The following NLRP3 variants were observed in gnomAD, a reference collection of about 807,000 sequenced individuals.
The protein encoded by NLRP3 is NLR family pyrin domain containing 3, also known as NACHT, LRR and PYD domains-containing protein 3.
NLRP3 carries 48 observed loss-of-function variants against 91.3 expected under a neutral mutation model. That is an observed-to-expected ratio of 0.53 (90% CI 0.42 to 0.67). The LOEUF (loss-of-function observed/expected upper bound fraction) is 0.67, where lower values mean the gene tolerates loss of function less well. Ranked by LOEUF, NLRP3 falls within the 30% of genes least tolerant of loss-of-function variation. The pLI, the probability that NLRP3 is intolerant of heterozygous loss-of-function variation, is 0.00. For missense variants in NLRP3, 982 were observed against 1,276.9 expected (o/e 0.77, Z 3.52); for synonymous variants, 561 against 507.9 (o/e 1.10, Z -1.41).
intron 7 of NLRP3, among the ~76,000 whole-genome samples, chr1:247,442,266 C>T (rs1664290274): frequency 6.6e-6 from 1 of 152,212 alleles, no homozygotes. Flanking sequence ...TGTCTGAATA[C>T]ACTTTTTCTG....
rs200929917 is a variant in NLRP3, at chr1:247,429,645, C to T, written c.2211C>T (p.Thr737=). ...GGGGCCTCTTTTCAGTTCTGAGCAC[C>T]AGCCAGAGTCTAACTGAATTGGACC... The part of the protein sequence containing the change: ...FCRGLFSVLS[T]SQSLTELDLS... Residue 737 remains threonine, a synonymous_variant, in exon 5 of 10, where the codon ACC becomes ACT. Coordinates refer to ENST00000336119, the MANE Select transcript of NLRP3 (RefSeq NM_001243133.2). 6.2e-6 allele frequency: 10 copies of T among 1,614,034 alleles called. No homozygotes were observed. The highest frequency in any genetic ancestry group is 1.3e-5 in the African/African-American group (1 of 74,900).
chr1:247,419,167 T>A (rs935072371), intron 2 of NLRP3, 90 bp downstream of exon 2: 26 of 952,216 alleles, frequency 2.7e-5, no homozygotes, highest in Middle Eastern at 7.8e-4. Flanking sequence ...TATATATATT[T>A]TTTTTTGAGA....
Position 247,425,767 on chromosome 1 carries a change from T to C in NLRP3, c.2150+168T>C, listed in dbSNP as rs901921131. The C allele has an allele frequency of 1.5e-6, 1 of 662,802 alleles. No individual in the cohort carries two copies. 41.1% of individuals were successfully genotyped at this position (662,802 alleles called of 1,614,324 possible). On this transcript the variant is annotated intron_variant, in intron 4 of 9. Transcript: ENST00000336119. This position sits in a 1 kb window ranked among gnomAD's most constrained non-coding sequence, Gnocchi z 4.1. ...ACTCCTTCATGAGCAAAGATTGATG[T>C]ATGGTAGGTGGATAAATGGGATGAG...
chr1:247,426,798 C>T (rs186027100), intron 4 of NLRP3, among the ~76,000 whole-genome samples: 1 of 152,260 alleles, frequency 6.6e-6, no homozygotes, highest in African/African-American at 2.4e-5. Context: ...ACCTGTTCAC[C>T]AGCGGGGCAC....
chr1:247,426,124 G>T (rs554372108), intron 4 of NLRP3, among the ~76,000 whole-genome samples: 5 of 152,322 alleles, frequency 3.3e-5, no homozygotes, highest in African/African-American at 9.6e-5. Flanking sequence ...ACTGGTATGA[G>T]CCAAATCATG....
chr1:247,445,288 C>T (rs1253293114), intron 9 of NLRP3, among the ~76,000 whole-genome samples: 1 of 152,124 alleles, frequency 6.6e-6, no homozygotes, highest in Non-Finnish European at 1.5e-5. Context: ...GCAAGCTCCG[C>T]CTCCCGGGTT....
At chr1:247,427,001 G>A (rs1298382163) in intron 4 of NLRP3, among the ~76,000 whole-genome samples, 1 of 152,198 alleles carries the variant, frequency 6.6e-6, no homozygotes, top group African/African-American at 2.4e-5. Flanking sequence ...TCATCAGGTT[G>A]CCATAACAAA....
intron 8 of NLRP3, 106 bp downstream of exon 8, chr1:247,444,248 GTCT>G: frequency 8.5e-7 from 1 of 1,173,136 alleles, no homozygotes. Flanking sequence ...GAAGTGAGGT[GTCT>G]TCTTAGTGTT....
chr1:247,446,761 T>C (rs1558211975), intron 9 of NLRP3, among the ~76,000 whole-genome samples: 2 of 152,244 alleles, frequency 1.3e-5, no homozygotes, highest in African/African-American at 2.4e-5. Context: ...TTATTATCTA[T>C]CTCTGCTCCC....
intron 9 of NLRP3, among the ~76,000 whole-genome samples, chr1:247,445,083 A>T (rs1322770279): frequency 2.6e-5 from 4 of 152,184 alleles, no homozygotes; most frequent in Admixed American, 6.5e-5. Context: ...TCATGCGATC[A>T]TGGCCAAGGA....
chr1:247,438,253 C>T (rs1332894096), intron 7 of NLRP3, among the ~76,000 whole-genome samples: 1 of 152,152 alleles, frequency 6.6e-6, no homozygotes, highest in Non-Finnish European at 1.5e-5. Context: ...CTTTGGAAGC[C>T]TTCTTCGCTC....
At chr1:247,445,792 T>G (rs1458382209) in intron 9 of NLRP3, among the ~76,000 whole-genome samples, 1 of 152,182 alleles carries the variant, frequency 6.6e-6, no homozygotes, top group African/African-American at 2.4e-5. Flanking sequence ...TGGCCTCTTC[T>G]TCATCATCCT....
In NLRP3 at chr1:247,425,177, T is replaced by C. The variant is rs1406006054; in HGVS notation, c.1728T>C (p.Arg576=). 1 of 1,614,052 alleles carries C rather than the reference T, an allele frequency of 6.2e-7. No homozygotes were observed. The highest frequency in any genetic ancestry group is 1.3e-5 in the African/African-American group (1 of 74,922). ...FEKGYLIFVV[R]FLFGLVNQER... ...AGGGGTATTTGATTTTTGTTGTACG[T>C]TTCCTCTTTGGCCTGGTAAACCAGG... Residue 576 remains arginine (R), a synonymous_variant, in exon 4 of 10, where the codon CGT becomes CGC. Coordinates refer to ENST00000336119, the MANE Select transcript of NLRP3 (RefSeq NM_001243133.2). This position sits in a 1 kb window ranked among gnomAD's most constrained non-coding sequence, Gnocchi z 4.1.
In NLRP3 at chr1:247,434,118, C is replaced by G. The variant is rs1158950298; in HGVS notation, c.2337C>G (p.Gly779=). 8.1e-6 allele frequency: 13 copies of G among 1,614,126 alleles called. No homozygotes were observed. The highest frequency in any genetic ancestry group is 1.1e-5 in the Non-Finnish European group (13 of 1,180,040). Residue 779 remains glycine, a synonymous_variant, in exon 6 of 10, where the codon GGC becomes GGG. Coordinates refer to ENST00000336119, the MANE Select transcript of NLRP3 (RefSeq NM_001243133.2). ...NIRRLWLGRC[G]LSHECCFDIS... Reference sequence around the variant, plus strand: ...TGGCATGAAGGTTGGGGCGCTGTGGCCTCTCGCATGAGTGCTGCTTCGACA... The same window carrying G: ...TGGCATGAAGGTTGGGGCGCTGTGGGCTCTCGCATGAGTGCTGCTTCGACA...
At chr1:247,426,058 A>G (rs1282730990) in intron 4 of NLRP3, among the ~76,000 whole-genome samples, 5 of 152,190 alleles carry the variant, frequency 3.3e-5, no homozygotes, top group Non-Finnish European at 7.3e-5. Context: ...GCCTCCTTTA[A>G]GGAATGGTGG....
Position 247,425,847 on chromosome 1 carries a change from G to A in NLRP3, c.2150+248G>A, listed in dbSNP as rs1662837031. The A allele has an allele frequency of 1.9e-6, 1 of 531,352 alleles. No homozygotes were observed. The highest frequency in any genetic ancestry group is 1.9e-5 in the African/African-American group (1 of 52,494). The allele number at this position is 531,352 out of a possible 1,614,324, so 32.9% of individuals were successfully genotyped here. A position where few individuals can be genotyped will look rare whatever the true frequency, so the allele number is the denominator to read the frequency against. On this transcript the variant is annotated intron_variant, in intron 4 of 9. Transcript: ENST00000336119. The surrounding 1 kb of genome is among the most constrained non-coding windows in gnomAD (Gnocchi z 4.1). ...TTTGGGGAATGCCAGTTTAGCACAA[G>A]GTATTAAGTAGGATGTAGGATTGCC...
intron 2 of NLRP3, among the ~76,000 whole-genome samples, chr1:247,422,917 G>A (rs903427767): frequency 2.0e-5 from 3 of 152,218 alleles, no homozygotes; most frequent in Non-Finnish European, 2.9e-5. Context: ...AAAAGCAAAC[G>A]AGGGTAAAAG....
At position 247,444,645 on chromosome 1, in the gene NLRP3, T is replaced by C; in HGVS notation, c.2835-6T>C. 1 of 1,614,022 alleles carries C rather than the reference T, an allele frequency of 6.2e-7. No individual in the cohort carries two copies. Among genetic ancestry groups the C allele is most frequent in the Non-Finnish European group, 8.5e-7 (1 of 1,180,028 alleles). ...ACATTTTCTTTAAATCACCCCCTTT[T>C]TGCAGATTAGACAACTGCAACCTCA... On this transcript the variant is annotated splice_polypyrimidine_tract_variant and splice_region_variant and intron_variant, in intron 8 of 9. Transcript: ENST00000336119.
At chr1:247,448,287 T>TA (rs1285368460) in intron 9 of NLRP3, 118 bp from the exon 10 acceptor site, 47 of 525,356 alleles carry the variant, frequency 8.9e-5, no homozygotes, top group African/African-American at 8.8e-4. Context: ...TTTTTTTTTT[T>TA]TTTACATTTT....
Sources: gnomAD v4.1 joint callset for allele counts (sites outside exome capture counted in the v4.1 genomes callset) on GRCh38, gnomAD v4.1.1 for gene constraint, Gnocchi (gnomAD v3.1) non-coding constraint, MANE v1.5 for transcripts, NCBI Gene and HGNC (gene_info 2026-07-23, HGNC 2026-07-21) for gene names.